Variants in LRP1B observed in about 807,000 individuals in gnomAD.
LRP1B encodes LDL receptor related protein 1B, also known as low-density lipoprotein receptor-related protein 1B.
LRP1B carries 217 observed loss-of-function variants against 556.6 expected under a neutral mutation model. That is an observed-to-expected ratio of 0.39 (90% confidence interval 0.35 to 0.44). The LOEUF (loss-of-function observed/expected upper bound fraction) is 0.44. LRP1B is among the 20% of genes least tolerant of loss of function. LRP1B has a pLI of 1.00. For missense variants in LRP1B, 5,053 were observed against 5,620.8 expected (o/e 0.90, Z 3.23); for synonymous variants, 2,047 against 1,865.8 (o/e 1.10, Z -2.50).
intron 7 of LRP1B, among the ~76,000 whole-genome samples, chr2:141,074,969 C>G (rs1699750211): frequency 6.6e-6 from 1 of 152,100 alleles, no homozygotes; most frequent in South Asian, 2.1e-4. Context: ...CAATTTTCAT[C>G]TTTAATGACA....
intron 3 of LRP1B, among the ~76,000 whole-genome samples, chr2:141,285,851 G>T (rs1685696238): frequency 6.7e-6 from 1 of 148,500 alleles, no homozygotes; most frequent in Admixed American, 6.7e-5. Flanking sequence ...CGGATCACGA[G>T]GTCAGGAGAT....
chr2:141,732,300 G>C (rs1157901567), intron 2 of LRP1B, among the ~76,000 whole-genome samples: 1 of 152,096 alleles, frequency 6.6e-6, no homozygotes, highest in African/African-American at 2.4e-5. Context: ...GTAGGACATA[G>C]AAATCACCCA....
chr2:141,206,425 C>T (rs1293952674), intron 6 of LRP1B, among the ~76,000 whole-genome samples: 2 of 148,134 alleles, frequency 1.4e-5, no homozygotes, highest in African/African-American at 2.5e-5. Context: ...ACTAAAAATG[C>T]AAAAAAAAAA....
At chr2:141,527,060 CTAG>C (rs1222152630) in intron 2 of LRP1B, among the ~76,000 whole-genome samples, 1 of 151,996 alleles carries the variant, frequency 6.6e-6, no homozygotes, top group Non-Finnish European at 1.5e-5. Context: ...AAAACTGTAC[CTAG>C]TCATGGGGTG....
chr2:141,576,640 G>A (rs1311678191), intron 2 of LRP1B, among the ~76,000 whole-genome samples: 2 of 151,356 alleles, frequency 1.3e-5, no homozygotes, highest in African/African-American at 4.9e-5. Context: ...TATGGTTCCA[G>A]TTAGTTGAGA....
At chr2:141,578,704 C>A (rs938170386) in intron 2 of LRP1B, among the ~76,000 whole-genome samples, 6 of 152,148 alleles carry the variant, frequency 3.9e-5, no homozygotes, top group Non-Finnish European at 8.8e-5. Context: ...TTGACTGATG[C>A]AATTTTAGAT....
At chr2:140,764,294 C>T (rs73961483) in intron 35 of LRP1B, among the ~76,000 whole-genome samples, 10,180 of 152,134 alleles carry the variant, frequency 0.067, 528 homozygotes, top group African/African-American at 0.14. Context: ...TTTGCAGAAG[C>T]GCAATGTAGT....
chr2:141,047,673 C>G (rs1324810911), intron 11 of LRP1B, among the ~76,000 whole-genome samples: 1 of 152,084 alleles, frequency 6.6e-6, no homozygotes, highest in Non-Finnish European at 1.5e-5. Flanking sequence ...CTTCAAGGCC[C>G]TTTATTTTAG....
intron 2 of LRP1B, among the ~76,000 whole-genome samples, chr2:141,760,051 C>T (rs1201559934): frequency 6.6e-6 from 1 of 152,098 alleles, no homozygotes; most frequent in Non-Finnish European, 1.5e-5. Flanking sequence ...ACCACTGCCT[C>T]AATGTCAAGT....
At chr2:141,417,634 A>G (rs1221472458) in intron 3 of LRP1B, among the ~76,000 whole-genome samples, 1 of 152,156 alleles carries the variant, frequency 6.6e-6, no homozygotes, top group African/African-American at 2.4e-5. Context: ...GGGACATTTA[A>G]GTTATTTCCA....
intron 35 of LRP1B, among the ~76,000 whole-genome samples, chr2:140,766,620 CTGATGATGA>C (rs145590728): frequency 1.3e-5 from 2 of 148,964 alleles, no homozygotes; most frequent in Non-Finnish European, 3.0e-5. Flanking sequence ...GCTCTACAGA[CTGATGATGA>C]TGATGATGAT....
At position 140,456,622 on chromosome 2, in the gene LRP1B, C is replaced by T. The variant is rs780117956; in HGVS notation, c.9815-19G>A. 2 of 1,595,314 alleles carry T rather than the reference C, an allele frequency of 1.3e-6. No individual in the cohort carries two copies. Among genetic ancestry groups the T allele is most frequent in the East Asian group, 4.5e-5 (2 of 44,528 alleles). ...TTGGAGACTAAAGATAAGAAAGAAA[C>T]AACAACAACAAAACAGGATAATCAA... On this transcript the variant is annotated intron_variant, in intron 61 of 90. Transcript: ENST00000389484.
At chr2:141,909,705 G>C (rs1308857037) in intron 1 of LRP1B, among the ~76,000 whole-genome samples, 1 of 151,720 alleles carries the variant, frequency 6.6e-6, no homozygotes, top group African/African-American at 2.4e-5. Context: ...AATAACTACT[G>C]AATGTTTAAA....
intron 68 of LRP1B, among the ~76,000 whole-genome samples, chr2:140,374,443 A>C (rs1400105804): frequency 6.6e-6 from 1 of 152,160 alleles, no homozygotes; most frequent in Non-Finnish European, 1.5e-5. Flanking sequence ...TAACAGTTTA[A>C]GTAGAAATGG....
intron 1 of LRP1B, among the ~76,000 whole-genome samples, chr2:142,035,449 A>G (rs927513583): frequency 6.6e-6 from 1 of 151,532 alleles, no homozygotes; most frequent in Admixed American, 6.6e-5. Flanking sequence ...AGGGTAGTGG[A>G]GCACACTTAT....
chr2:141,114,678 A>T (rs187626187), intron 7 of LRP1B, among the ~76,000 whole-genome samples: 3 of 152,268 alleles, frequency 2.0e-5, no homozygotes, highest in African/African-American at 4.8e-5. Context: ...GTGTGAAAAC[A>T]GGAATGCCTC....
intron 2 of LRP1B, among the ~76,000 whole-genome samples, chr2:141,577,539 C>A (rs1686796629): frequency 6.6e-6 from 1 of 152,080 alleles, no homozygotes; most frequent in Non-Finnish European, 1.5e-5. Context: ...ATCACCGTAC[C>A]ATGACACAAG....
At chr2:140,625,475 C>T (rs1220858275) in intron 41 of LRP1B, among the ~76,000 whole-genome samples, 1 of 152,076 alleles carries the variant, frequency 6.6e-6, no homozygotes, top group African/African-American at 2.4e-5. Context: ...ATTTGCAAAA[C>T]ATGCATCTAA....
chr2:140,353,205 G>T (rs575780005), intron 75 of LRP1B, 133 bp from the exon 76 acceptor site: 2 of 792,374 alleles, frequency 2.5e-6, no homozygotes, highest in Non-Finnish European at 4.1e-6. Flanking sequence ...TTTAATCTGT[G>T]ACCTGCTGTG....
Sources: allele counts gnomAD v4.1 joint callset (sites outside exome capture counted in the v4.1 genomes callset), GRCh38; gene constraint gnomAD v4.1.1; transcripts MANE v1.5; gene names NCBI Gene and HGNC (gene_info 2026-07-23, HGNC 2026-07-21).